The following CAPS2 variants were observed in gnomAD, a reference collection of about 807,000 sequenced individuals.
The protein encoded by CAPS2 is calcyphosine 2.
A neutral mutation model predicts 86.5 loss-of-function variants in CAPS2; 98 were observed. The observed-to-expected ratio is 1.13, with a 90% confidence interval of 0.96 to 1.34. The LOEUF is 1.34. Among genes scored for constraint, CAPS2 ranks in the 40% most tolerant of loss-of-function variants. The probability of loss-of-function intolerance (pLI) is 0.00; values close to 1 mark genes in which losing one functional copy is unlikely to be tolerated. For missense variants in CAPS2, 729 were observed against 686.8 expected, an observed-to-expected ratio of 1.06 and a Z score of -0.69; for synonymous variants, 210 against 225.1, an observed-to-expected ratio of 0.93 and a Z score of 0.60.
At chr12:75,276,313 C>A, downstream of CAPS2, 2 of 1,498,526 alleles carry the variant, frequency 1.3e-6, no homozygotes, top group South Asian at 2.7e-5. Context: ...ACTATAATCT[C>A]ATAAAAGCAT....
At chr12:75,354,658 G>A (rs1419493725) in intron 1 of CAPS2, among the ~76,000 whole-genome samples, 1 of 152,106 alleles carries the variant, frequency 6.6e-6, no homozygotes, top group Non-Finnish European at 1.5e-5. Context: ...CCAAAAAAGG[G>A]TTTGTGTAGC....
chr12:75,334,722 T>C, upstream of CAPS2: 2 of 1,611,746 alleles, frequency 1.2e-6, no homozygotes, highest in Non-Finnish European at 8.5e-7. Flanking sequence ...ATCCTCCACA[T>C]CCTTCCATGG....
intron 1 of CAPS2, among the ~76,000 whole-genome samples, chr12:75,379,687 A>C (rs2044851197): frequency 6.6e-6 from 1 of 152,142 alleles, no homozygotes; most frequent in Non-Finnish European, 1.5e-5. Context: ...AACTCAAGTA[A>C]GTGTGTGTTC....
At chr12:75,282,627 C>T (rs1217040909) in intron 15 of CAPS2, among the ~76,000 whole-genome samples, 4 of 152,068 alleles carry the variant, frequency 2.6e-5, no homozygotes. Flanking sequence ...CCTCAGGTGA[C>T]CCACCCGCCT....
upstream of CAPS2, among the ~76,000 whole-genome samples, chr12:75,329,598 A>G (rs2041111063): frequency 6.6e-6 from 1 of 152,130 alleles, no homozygotes; most frequent in South Asian, 2.1e-4. Flanking sequence ...AAAAGCAAAA[A>G]ATAAACTGAT....
chr12:75,370,235 T>A, intron 1 of CAPS2: 1 of 853,002 alleles, frequency 1.2e-6, no homozygotes, highest in Non-Finnish European at 1.9e-6. Context: ...GTTTATTGCT[T>A]AATATAACTT....
intron 1 of CAPS2, among the ~76,000 whole-genome samples, chr12:75,345,608 C>T (rs552974235): frequency 6.8e-4 from 104 of 152,250 alleles, no homozygotes; most frequent in Non-Finnish European, 1.3e-3. Flanking sequence ...CGTTCAACAA[C>T]AGGTTGTTCT....
At chr12:75,313,421 T>G (rs758570034) in intron 6 of CAPS2, among the ~76,000 whole-genome samples, 14 of 152,224 alleles carry the variant, frequency 9.2e-5, no homozygotes, top group Non-Finnish European at 1.9e-4. Flanking sequence ...ACTCTCCTCA[T>G]CAAAAGTATA....
At chr12:75,365,354 T>C (rs1345656485) in intron 1 of CAPS2, 1 of 152,092 alleles carries the variant, frequency 6.6e-6, no homozygotes, top group East Asian at 1.9e-4. Context: ...AAGGAAAGTA[T>C]TCATTAGAAC....
intron 7 of CAPS2, among the ~76,000 whole-genome samples, chr12:75,307,671 T>G (rs956310962): frequency 4.6e-5 from 7 of 152,082 alleles, no homozygotes; most frequent in African/African-American, 1.7e-4. Flanking sequence ...CCCAAAGCTA[T>G]AAAATACATA....
downstream of CAPS2, chr12:75,276,870 T>C (rs898087497): frequency 1.0e-6 from 1 of 976,628 alleles, no homozygotes; most frequent in African/African-American, 1.8e-5. Context: ...TTTCAAAAGG[T>C]CTTTTAGAAT....
chr12:75,304,269 TTA>T (rs1186024474), intron 8 of CAPS2, among the ~76,000 whole-genome samples: 12 of 152,342 alleles, frequency 7.9e-5, no homozygotes, highest in African/African-American at 2.9e-4. Context: ...GTAGATTTTT[TTA>T]TGTCTACTAA....
intron 1 of CAPS2, among the ~76,000 whole-genome samples, chr12:75,380,997 G>A (rs748248580): frequency 2.1e-4 from 32 of 152,084 alleles, no homozygotes; most frequent in East Asian, 3.9e-4. Context: ...AAATAGTCTC[G>A]GATTTATACT....
intron 1 of CAPS2, among the ~76,000 whole-genome samples, chr12:75,357,744 A>G (rs1364618191): frequency 6.6e-6 from 1 of 152,088 alleles, no homozygotes; most frequent in African/African-American, 2.4e-5. Flanking sequence ...ATACTAACAT[A>G]CTTCTAAATA....
chr12:75,357,273 T>A (rs888777325), intron 1 of CAPS2, among the ~76,000 whole-genome samples: 2 of 152,176 alleles, frequency 1.3e-5, no homozygotes, highest in African/African-American at 4.8e-5. Flanking sequence ...CAGAGATAAA[T>A]TTCACTTCAC....
chr12:75,293,276 A>G (rs953047714), exon 12 of CAPS2: 1 of 1,605,030 alleles, frequency 6.2e-7, no homozygotes, highest in Admixed American at 1.7e-5. Flanking sequence ...TATTTGATCA[A>G]TATTTGTGAT....
At chr12:75,293,367 C>A in exon 12 of CAPS2, 1 of 1,593,270 alleles carries the variant, frequency 6.3e-7, no homozygotes, top group Non-Finnish European at 8.6e-7. Flanking sequence ...AAGGTTGCAC[C>A]CTAAACAAAA....
chr12:75,279,119 CT>C (rs2137965195), intron 16 of CAPS2, 54 bp from the exon 17 acceptor site: 1 of 1,357,028 alleles, frequency 7.4e-7, no homozygotes, highest in East Asian at 2.6e-5. Flanking sequence ...AGTGAAATGA[CT>C]GATGATGATA....
intron 1 of CAPS2, among the ~76,000 whole-genome samples, chr12:75,369,107 G>GT: frequency 6.6e-6 from 1 of 151,868 alleles, no homozygotes; most frequent in African/African-American, 2.4e-5. Flanking sequence ...AGTTATATAT[G>GT]TAGACCTTGG....
Sources: gnomAD v4.1 joint callset for allele counts (sites outside exome capture counted in the v4.1 genomes callset) on GRCh38, gnomAD v4.1.1 for gene constraint, MANE v1.5 for transcripts, NCBI Gene and HGNC (gene_info 2026-07-23, HGNC 2026-07-21) for gene names.